PYGL: variants seen among roughly 807,000 people sequenced by gnomAD.
The protein encoded by PYGL is glycogen phosphorylase, liver form.
PYGL carries 90 observed loss-of-function variants against 100.1 expected under a neutral mutation model. That is an observed-to-expected ratio of 0.90 (90% CI 0.76 to 1.07). PYGL has a LOEUF of 1.07. Ranked by LOEUF, PYGL falls within the 50% of genes least tolerant of loss-of-function variation. The pLI, the probability that PYGL is intolerant of heterozygous loss-of-function variation, is 0.00. For synonymous variants in PYGL, 373 were observed against 393.0 expected (o/e 0.95, Z 0.60); for missense variants, 1,016 against 1,057.6 (o/e 0.96, Z 0.55).
rs143800504 is a variant in PYGL at position 50,941,646 on chromosome 14, C to T, written c.243+2515G>A. Among the ~76,000 whole-genome samples the T allele has an allele frequency of 3.6e-3, 544 of 152,176 alleles. 2 individuals are homozygous for T. The highest frequency in any genetic ancestry group is 0.034 in the Middle Eastern group (10 of 294). On this transcript the variant is annotated intron_variant, in intron 1 of 19. Coordinates refer to ENST00000216392, the MANE Select transcript of PYGL (RefSeq NM_002863.5). ...CTGTAATCCCAGCACTTTGGGAGGC[C>T]GAGGTGGGTGGATCACCAGGTCAGG...
At chr14:50,937,187 A>G (rs2050660956) in intron 2 of PYGL, among the ~76,000 whole-genome samples, 1 of 152,242 alleles carries the variant, frequency 6.6e-6, no homozygotes, top group African/African-American at 2.4e-5. Flanking sequence ...CTCAGGAAAG[A>G]AAAAGTTAAA....
intron 4 of PYGL, among the ~76,000 whole-genome samples, chr14:50,928,665 C>T (rs1035643081): frequency 2.6e-5 from 4 of 152,106 alleles, no homozygotes; most frequent in African/African-American, 4.8e-5. Flanking sequence ...ACGATGAACA[C>T]TCCACGCCTG....
intron 4 of PYGL, among the ~76,000 whole-genome samples, chr14:50,928,071 TG>T (rs1480253000): frequency 2.6e-5 from 4 of 152,080 alleles, no homozygotes; most frequent in Non-Finnish European, 5.9e-5. Context: ...AAAGCAAGCG[TG>T]GATCTGTGGA....
At chr14:50,933,548 TA>T (rs573445306) in intron 3 of PYGL, among the ~76,000 whole-genome samples, 78 of 152,318 alleles carry the variant, frequency 5.1e-4, no homozygotes, top group African/African-American at 1.5e-3. Context: ...TTTTTATTAT[TA>T]AATTTAAATT....
intron 4 of PYGL, among the ~76,000 whole-genome samples, chr14:50,926,095 A>G (rs969286463): frequency 2.0e-5 from 3 of 152,226 alleles, no homozygotes; most frequent in African/African-American, 7.2e-5. Context: ...CAGTCATAAG[A>G]GAACAAAGAT....
intron 13 of PYGL, 192 bp from the exon 14 acceptor site, chr14:50,912,495 C>A: frequency 1.5e-6 from 1 of 670,098 alleles, no homozygotes; most frequent in South Asian, 1.8e-5. Flanking sequence ...GTATACACCA[C>A]TACTGCCTGG....
rs2050319903 is a variant in PYGL at position 50,905,334 on chromosome 14, G to A, written c.*58C>T. The A allele has an allele frequency of 1.3e-6, 2 of 1,524,274 alleles. No homozygotes were observed. Among genetic ancestry groups the A allele is most frequent in the Admixed American group, 1.7e-5 (1 of 59,412 alleles). 94.4% of individuals were successfully genotyped at this position (1,524,274 alleles called of 1,614,324 possible). On this transcript the variant is annotated 3_prime_UTR_variant, in exon 20 of 20. Transcript: ENST00000216392. ...GCTAACAAAACAAAAACCAGTGAAT[G>A]TTGTAAAAATGTTCAAGTTCAGTAA...
At position 50,920,999 on chromosome 14, in the gene PYGL, G is replaced by A. The variant is rs2050495126; in HGVS notation, c.729C>T (p.Arg243=). The part of the protein sequence containing the change: ...GYMNNTVNTM[R]LWSARAPNDF... The stretch of plus-strand genomic sequence containing the variant: ...CATTTGGTGCCCGAGCAGACCAGAG[G>A]CGCATGGTGTTGACAGTGTTATTCA... Residue 243 remains arginine, a synonymous_variant, in exon 6 of 20, where the codon CGC becomes CGT. Transcript: ENST00000216392. 1 of 1,614,106 alleles carries A rather than the reference G, an allele frequency of 6.2e-7. No homozygotes were observed. Among genetic ancestry groups the A allele is most frequent in the Admixed American group, 1.7e-5 (1 of 60,006 alleles).
intron 11 of PYGL, 96 bp from the exon 12 acceptor site, chr14:50,914,911 G>T: frequency 1.1e-6 from 1 of 924,986 alleles, no homozygotes; most frequent in Non-Finnish European, 1.8e-6. Flanking sequence ...GAAGCCAAGT[G>T]CAGGCTTAGA....
chr14:50,919,437 A>G (rs918579339), intron 7 of PYGL, among the ~76,000 whole-genome samples: 2 of 152,214 alleles, frequency 1.3e-5, no homozygotes, highest in Non-Finnish European at 2.9e-5. Context: ...TTATGATTTA[A>G]CACCAGGTGG....
In PYGL at chr14:50,944,320, C is replaced by T; in HGVS notation, c.84G>A (p.Leu28=). The T allele has an allele frequency of 6.2e-7, 1 of 1,613,992 alleles. No individual in the cohort carries two copies. The highest frequency in any genetic ancestry group is 8.5e-7 in the Non-Finnish European group (1 of 1,179,878). The change falls in exon 1 of 20, where the codon CTG becomes CTA. Residue 28 remains leucine (L), a synonymous_variant. Coordinates refer to ENST00000216392, the MANE Select transcript of PYGL (RefSeq NM_002863.5). ...GCAGGTGCCGGTTGAAACTCTTCTT[C>T]AGCTCTGCCACGTTCTCCACGCCCA... ...GIVGVENVAE[L]KKSFNRHLHF... is the part of the protein sequence containing the mutation.
intron 1 of PYGL, among the ~76,000 whole-genome samples, chr14:50,939,144 A>C (rs781723326): frequency 6.6e-6 from 1 of 152,094 alleles, no homozygotes; most frequent in Non-Finnish European, 1.5e-5. Flanking sequence ...AGTTCAAGCA[A>C]TTCTCCTTCA....
intron 19 of PYGL, among the ~76,000 whole-genome samples, chr14:50,906,221 A>T (rs2050335386): frequency 6.6e-6 from 1 of 152,208 alleles, no homozygotes; most frequent in African/African-American, 2.4e-5. Context: ...ATAGCCTCTT[A>T]ATTTTGTAAG....
At position 50,937,977 on chromosome 14, in the gene PYGL, G is replaced by A. The variant is rs370360161; in HGVS notation, c.244-140C>T. The A allele has an allele frequency of 2.3e-5, 18 of 780,640 alleles. No homozygotes were observed. The East Asian group carries it at 3.2e-4, about 14-fold the overall frequency. The allele number at this position is 780,640 out of a possible 1,614,324, so 48.4% of individuals were successfully genotyped here. A position where few individuals can be genotyped will look rare whatever the true frequency, so the allele number is the denominator to read the frequency against. ...CACCACAGGTTCGAATGAGACTCCC[G>A]TCAGAGGTGTTTGAACCAAAGTGAC... is the stretch of plus-strand genomic sequence containing the variant. On this transcript the variant is annotated intron_variant, in intron 1 of 19. Transcript: ENST00000216392.
intron 5 of PYGL, chr14:50,921,435 C>T (rs1596040888): frequency 4.7e-6 from 1 of 211,422 alleles, no homozygotes; most frequent in East Asian, 1.3e-4. Flanking sequence ...ACTCTGTTGC[C>T]CAGGCTGGAG....
intron 2 of PYGL, among the ~76,000 whole-genome samples, chr14:50,937,131 C>T (rs1037856546): frequency 6.6e-6 from 1 of 152,172 alleles, no homozygotes. Flanking sequence ...TCAACCACAT[C>T]AAAAAGGTTA....
intron 2 of PYGL, among the ~76,000 whole-genome samples, chr14:50,936,921 C>G (rs1215621216): frequency 6.6e-6 from 1 of 152,094 alleles, no homozygotes; most frequent in Non-Finnish European, 1.5e-5. Context: ...AGGGAAGGGA[C>G]ATGGAGAGGA....
chr14:50,934,213 G>A (rs925763354), intron 3 of PYGL, among the ~76,000 whole-genome samples: 2 of 152,090 alleles, frequency 1.3e-5, no homozygotes. Flanking sequence ...CACACAAAAA[G>A]GACATTATTA....
rs193233099 is a variant in PYGL at position 50,929,086 on chromosome 14, A to C, written c.528+2587T>G. On this transcript the variant is annotated intron_variant, in intron 4 of 19. Coordinates refer to ENST00000216392, the MANE Select transcript of PYGL (RefSeq NM_002863.5). Reference sequence around the variant, plus strand: ...TTATTTTTGAGACAGGGTCTCACTCACTTGCCCAGACTGGTGTGCAGTGGC... The same window carrying C: ...TTATTTTTGAGACAGGGTCTCACTCCCTTGCCCAGACTGGTGTGCAGTGGC... Among the ~76,000 whole-genome samples, 39 of 152,050 alleles carry C rather than the reference A, an allele frequency of 2.6e-4. No individual in the cohort carries two copies. The Middle Eastern group carries it at 0.01, about 40-fold the overall frequency.
Sources: allele counts gnomAD v4.1 joint callset (sites outside exome capture counted in the v4.1 genomes callset), GRCh38; gene constraint gnomAD v4.1.1; transcripts MANE v1.5; gene names NCBI Gene and HGNC (gene_info 2026-07-23, HGNC 2026-07-21).